Variants in RBMS3 observed in about 807,000 individuals in gnomAD.
The protein encoded by RBMS3 is RNA-binding motif, single-stranded-interacting protein 3.
A neutral mutation model predicts 66.8 loss-of-function variants in RBMS3; 27 were observed. The observed-to-expected ratio is 0.40, with a 90% CI of 0.30 to 0.56. The LOEUF is 0.56. Ranked by LOEUF, RBMS3 falls within the 20% of genes least tolerant of loss-of-function variation. RBMS3 has a pLI of 0.40. For synonymous variants in RBMS3, 188 were observed against 183.0 expected, an observed-to-expected ratio of 1.03 and a Z score of -0.22; for missense variants, 513 against 549.5, an observed-to-expected ratio of 0.93 and a Z score of 0.66.
chr3:29,417,969 A>G (rs1169842247), intron 1 of RBMS3, among the ~76,000 whole-genome samples: 1 of 152,194 alleles, frequency 6.6e-6, no homozygotes. Context: ...ACTAACAGGA[A>G]GACCAACCAT....
At chr3:29,852,556 A>G (rs1329722801) in intron 6 of RBMS3, among the ~76,000 whole-genome samples, 1 of 152,242 alleles carries the variant, frequency 6.6e-6, no homozygotes, top group Non-Finnish European at 1.5e-5. Context: ...AAACATATGA[A>G]AAAAAGCTCA....
intron 3 of RBMS3, among the ~76,000 whole-genome samples, chr3:29,518,344 CATGTCATGGCAT>C (rs1308869329): frequency 3.3e-5 from 5 of 152,176 alleles, no homozygotes; most frequent in Non-Finnish European, 7.3e-5. Flanking sequence ...TATGAGTTAT[CATGTCATGGCAT>C]TGGGTACAAA....
chr3:29,955,774 C>T (rs779600213), intron 12 of RBMS3, among the ~76,000 whole-genome samples: 9 of 152,066 alleles, frequency 5.9e-5, no homozygotes, highest in Non-Finnish European at 1.5e-5. Flanking sequence ...TTCTTCAATG[C>T]ACCTAGCTTA....
intron 4 of RBMS3, among the ~76,000 whole-genome samples, chr3:29,600,420 G>A (rs117089342): frequency 4.3e-4 from 65 of 152,088 alleles, no homozygotes; most frequent in African/African-American, 1.3e-3. Flanking sequence ...CTCTCTTGCC[G>A]TGTTATCTTT....
chr3:29,831,080 A>C lies in RBMS3; in HGVS notation c.638-37778A>C, dbSNP rs1052205830. On this transcript the variant is annotated intron_variant, in intron 6 of 14. Transcript: ENST00000383767. ...ATCTGAGAAATAAATATCATATTTA[A>C]AATAACAGATCTTCTTTGAGAACTT... Among the ~76,000 whole-genome samples, 9 of 152,306 alleles carry C rather than the reference A, an allele frequency of 5.9e-5. No homozygotes were observed. In the East Asian group the frequency reaches 1.7e-3, roughly 29 times the overall value.
At chr3:29,701,960 C>T (rs183799731) in intron 4 of RBMS3, among the ~76,000 whole-genome samples, 132 of 152,308 alleles carry the variant, frequency 8.7e-4, no homozygotes, top group African/African-American at 3.1e-3. Context: ...GCTCTGCCCG[C>T]GGCCGTGGCG....
intron 2 of RBMS3, among the ~76,000 whole-genome samples, chr3:29,452,109 C>T (rs17023546): frequency 0.15 from 22,501 of 152,070 alleles, 1,850 homozygotes; most frequent in African/African-American, 0.2. Flanking sequence ...TTAGGCATGA[C>T]GTCAGATAAC....
rs77281624 is a variant in RBMS3, at chr3:29,824,478, C to A, written c.638-44380C>A. Among the ~76,000 whole-genome samples the A allele has an allele frequency of 2.5e-4, 38 of 152,292 alleles. 1 individual carries two copies. The East Asian group carries it at 7.3e-3, about 29-fold the overall frequency. On this transcript the variant is annotated intron_variant, in intron 6 of 14. Coordinates refer to ENST00000383767, the MANE Select transcript of RBMS3 (RefSeq NM_001003793.3). Reference sequence around the variant, plus strand: ...GACAATAGTCTTCACAAAAGAGTCACATCTTTTAAAAAATACAAATCAGAT... The same window carrying A: ...GACAATAGTCTTCACAAAAGAGTCAAATCTTTTAAAAAATACAAATCAGAT...
chr3:29,325,568 A>G (rs1343535260), intron 1 of RBMS3, among the ~76,000 whole-genome samples: 5 of 151,458 alleles, frequency 3.3e-5, no homozygotes, highest in African/African-American at 9.7e-5. Flanking sequence ...GTGTATGTAT[A>G]TATATACATG....
chr3:29,471,718 G>GTTTTTTTTTTTTTTTTTTTTTTTTTTT (rs397793236), intron 2 of RBMS3, among the ~76,000 whole-genome samples: 3 of 71,170 alleles, frequency 4.2e-5, no homozygotes, highest in Non-Finnish European at 5.5e-5. Flanking sequence ...TGAGGACTTA[G>GTTTTTTTTTTTTTTTTTTTTTTTTTTT]TTTTTTTTTT....
chr3:29,924,308 T>TAGCAGAAGTCACAAATCTATATC (rs1244702167), intron 10 of RBMS3, among the ~76,000 whole-genome samples: 2 of 152,206 alleles, frequency 1.3e-5, no homozygotes, highest in African/African-American at 4.8e-5. Context: ...TGCTTTTGAT[T>TAGCAGAAGTCACAAATCTATATC]AGCAGAAGTC....
chr3:29,402,407 C>T (rs891657644), intron 1 of RBMS3, among the ~76,000 whole-genome samples: 1 of 151,976 alleles, frequency 6.6e-6, no homozygotes. Flanking sequence ...TTTGTATTCC[C>T]TGCAGATTTT....
At chr3:29,423,839 T>C (rs768605364) in intron 1 of RBMS3, among the ~76,000 whole-genome samples, 3 of 152,224 alleles carry the variant, frequency 2.0e-5, no homozygotes, top group Non-Finnish European at 4.4e-5. Flanking sequence ...TACATATTTA[T>C]ATTTAAACCT....
intron 1 of RBMS3, among the ~76,000 whole-genome samples, chr3:29,415,804 T>C (rs963448493): frequency 6.6e-6 from 1 of 152,068 alleles, no homozygotes; most frequent in Non-Finnish European, 1.5e-5. Flanking sequence ...TATCCAGATG[T>C]TAAATTATCA....
At chr3:29,736,832 C>A (rs2054400236) in intron 4 of RBMS3, among the ~76,000 whole-genome samples, 1 of 152,170 alleles carries the variant, frequency 6.6e-6, no homozygotes, top group Non-Finnish European at 1.5e-5. Flanking sequence ...TTATGAATTC[C>A]CTTTGCAACA....
chr3:29,422,749 A>C (rs1223559327), intron 1 of RBMS3, among the ~76,000 whole-genome samples: 1 of 152,160 alleles, frequency 6.6e-6, no homozygotes, highest in Non-Finnish European at 1.5e-5. Flanking sequence ...TTTATAGAAA[A>C]TTATCTGTGC....
In RBMS3 at chr3:29,988,162, C is replaced by T. The variant is rs1354788634; in HGVS notation, c.1118C>T (p.Pro373Leu). 15 of 1,613,140 alleles carry T rather than the reference C, an allele frequency of 9.3e-6. No homozygotes were observed. Among genetic ancestry groups the T allele is most frequent in the Non-Finnish European group, 1.3e-5 (15 of 1,179,176 alleles). Reference sequence around the variant, plus strand: ...CTCTAGTATATGACTGCTGCTGCTCCTATGCAAGGGACCTACATTCCTCAG... The same window carrying T: ...CTCTAGTATATGACTGCTGCTGCTCTTATGCAAGGGACCTACATTCCTCAG... ...LLCQYMTAAA[P>L]MQGTYIPQYT... The change falls in exon 13 of 15, where the codon CCT (proline) becomes CTT (leucine). Residue 373 changes from proline (P) to leucine (L), a missense_variant. Physicochemically the swap from Pro to Leu is moderately conservative, Grantham distance 98. Coordinates refer to ENST00000383767, the MANE Select transcript of RBMS3 (RefSeq NM_001003793.3).
chr3:29,530,615 A>C (rs1437302627), intron 3 of RBMS3, among the ~76,000 whole-genome samples: 1 of 151,546 alleles, frequency 6.6e-6, no homozygotes, highest in Non-Finnish European at 1.5e-5. Flanking sequence ...TAATCCCAGC[A>C]CTTTGGGAGG....
chr3:29,765,044 T>G (rs562050832), intron 6 of RBMS3, among the ~76,000 whole-genome samples: 2 of 152,168 alleles, frequency 1.3e-5, no homozygotes, highest in South Asian at 2.1e-4. Flanking sequence ...ATCTGCTTAT[T>G]TATAAATTAC....
Sources: gnomAD v4.1 joint callset for allele counts (sites outside exome capture counted in the v4.1 genomes callset) on GRCh38, gnomAD v4.1.1 for gene constraint, MANE v1.5 for transcripts, NCBI Gene and HGNC (gene_info 2026-07-23, HGNC 2026-07-21) for gene names.